BFSP2: variants seen among roughly 807,000 people sequenced by gnomAD.
The protein encoded by BFSP2 is phakinin.
Under a neutral mutation model 44.9 loss-of-function variants are expected in BFSP2, and 38 were observed. That is an observed-to-expected ratio of 0.85 (90% CI 0.65 to 1.11). BFSP2 has a LOEUF of 1.11. BFSP2 is among the 50% of genes least tolerant of loss of function. The pLI is 0.00. For missense variants in BFSP2, 525 were observed against 533.0 expected (o/e 0.99, Z 0.15); for synonymous variants, 197 against 209.9 (o/e 0.94, Z 0.53).
chr3:133,421,188 C>T (rs1020852701), intron 1 of BFSP2, among the ~76,000 whole-genome samples: 2 of 152,184 alleles, frequency 1.3e-5, no homozygotes, highest in African/African-American at 4.8e-5. Flanking sequence ...GTTAAATCAA[C>T]AAATGGAAGT....
intron 1 of BFSP2, among the ~76,000 whole-genome samples, chr3:133,414,234 G>C (rs1576560234): frequency 9.3e-5 from 3 of 32,140 alleles, no homozygotes; most frequent in Admixed American, 4.1e-4. Context: ...ACAAAACCCA[G>C]TACTCACCCC....
intron 1 of BFSP2, among the ~76,000 whole-genome samples, 153 bp from the exon 2 acceptor site, chr3:133,447,164 C>G (rs1262391483): frequency 6.6e-6 from 1 of 151,972 alleles, no homozygotes; most frequent in East Asian, 1.9e-4. Flanking sequence ...GACCATTGTC[C>G]AAAGAGAGGG....
rs1576561616 is a variant in BFSP2, at chr3:133,415,187, C to G, written c.489+14615C>G. Among the ~76,000 whole-genome samples, 3 of 123,130 alleles carry G rather than the reference C, an allele frequency of 2.4e-5. No homozygotes were observed. In the South Asian group the frequency reaches 9.8e-4, roughly 40 times the overall value. 80.8% of individuals were successfully genotyped at this position (123,130 alleles called of 152,430 possible). On this transcript the variant is annotated intron_variant, in intron 1 of 6. Coordinates refer to ENST00000302334, the MANE Select transcript of BFSP2 (RefSeq NM_003571.4). ...CCCATCCTCTCCCCTCTACTCAACT[C>G]TGTCCTCTCCCCTCTACTCACCTTT...
At chr3:133,426,082 C>T (rs544175000) in intron 1 of BFSP2, among the ~76,000 whole-genome samples, 1 of 151,056 alleles carries the variant, frequency 6.6e-6, no homozygotes, top group South Asian at 2.1e-4. Context: ...GTTAGTGTCA[C>T]AGCATCTGGG....
At chr3:133,474,023 G>A (rs1376090581) in intron 6 of BFSP2, among the ~76,000 whole-genome samples, 3 of 152,170 alleles carry the variant, frequency 2.0e-5, no homozygotes, top group African/African-American at 7.2e-5. Context: ...AGTGGAGGCA[G>A]GCAAGGGGTT....
chr3:133,466,677 CA>C (rs59331608), intron 4 of BFSP2, 150 bp from the exon 5 acceptor site: 4,501 of 257,492 alleles, frequency 0.017, 7 homozygotes, highest in Admixed American at 0.033. Context: ...TTCATCTCAA[CA>C]AAAAAAAAAA....
intron 1 of BFSP2, among the ~76,000 whole-genome samples, chr3:133,419,078 G>A (rs2073569832): frequency 6.6e-6 from 1 of 151,910 alleles, no homozygotes. Flanking sequence ...CTCTCTCCTT[G>A]GCTCATGGAA....
intron 1 of BFSP2, chr3:133,445,660 TAAC>T (rs1242193132): frequency 3.3e-5 from 5 of 152,212 alleles, no homozygotes; most frequent in Non-Finnish European, 7.4e-5. Context: ...ATTTTCTAAA[TAAC>T]ACAATAAATA....
intron 4 of BFSP2, among the ~76,000 whole-genome samples, chr3:133,463,729 C>T (rs1024965374): frequency 1.3e-5 from 2 of 152,148 alleles, no homozygotes; most frequent in Admixed American, 1.3e-4. Flanking sequence ...TTTTTTCTAT[C>T]TTTAGGGAGA....
intron 1 of BFSP2, among the ~76,000 whole-genome samples, chr3:133,423,562 C>CGGCGGG (rs1228359517): frequency 7.6e-5 from 1 of 13,092 alleles, no homozygotes; most frequent in Non-Finnish European, 1.6e-4. Context: ...GTGGGGGAGG[C>CGGCGGG]GGCGGGGGCG....
intron 4 of BFSP2, among the ~76,000 whole-genome samples, chr3:133,451,594 C>A (rs1202488825): frequency 6.6e-6 from 1 of 152,168 alleles, no homozygotes; most frequent in African/African-American, 2.4e-5. Context: ...CTGGTATATA[C>A]AGTAGGGTAA....
chr3:133,437,857 G>A (rs2073805924), intron 1 of BFSP2, among the ~76,000 whole-genome samples: 1 of 152,148 alleles, frequency 6.6e-6, no homozygotes, highest in Non-Finnish European at 1.5e-5. Flanking sequence ...GCAAAACAAT[G>A]ATTTGGCTAC....
chr3:133,440,796 C>T (rs1037055360), intron 1 of BFSP2, among the ~76,000 whole-genome samples: 15 of 152,160 alleles, frequency 9.9e-5, no homozygotes, highest in Non-Finnish European at 2.1e-4. Context: ...CATCTGGCCC[C>T]TCTACAATGA....
chr3:133,428,928 A>T (rs1404506270), intron 1 of BFSP2, among the ~76,000 whole-genome samples: 1 of 152,194 alleles, frequency 6.6e-6, no homozygotes, highest in Non-Finnish European at 1.5e-5. Flanking sequence ...GATTTTATTT[A>T]TGCGATCGAT....
intron 1 of BFSP2, among the ~76,000 whole-genome samples, chr3:133,423,033 T>C (rs550947019): frequency 6.6e-6 from 1 of 152,204 alleles, no homozygotes; most frequent in Non-Finnish European, 1.5e-5. Context: ...TGAGCTTCTT[T>C]GTTACACTGA....
intron 1 of BFSP2, among the ~76,000 whole-genome samples, chr3:133,423,914 C>T (rs1384378565): frequency 1.3e-5 from 2 of 152,204 alleles, no homozygotes; most frequent in Admixed American, 6.5e-5. Context: ...TGCAGTCGTC[C>T]GCTTCACGTC....
At chr3:133,444,375 G>A (rs1303434380) in intron 1 of BFSP2, among the ~76,000 whole-genome samples, 1 of 152,096 alleles carries the variant, frequency 6.6e-6, no homozygotes, top group Non-Finnish European at 1.5e-5. Context: ...TCTCCCAGGA[G>A]GAAGGGAGTA....
chr3:133,426,795 A>G (rs1302323624), intron 1 of BFSP2, among the ~76,000 whole-genome samples: 1 of 152,210 alleles, frequency 6.6e-6, no homozygotes, highest in Non-Finnish European at 1.5e-5. Context: ...AGCTCTTCCT[A>G]AGAGCTCTCT....
At chr3:133,429,904 A>G (rs10935063) in intron 1 of BFSP2, among the ~76,000 whole-genome samples, 124,126 of 149,932 alleles carry the variant, frequency 0.83, 51,567 homozygotes, top group Middle Eastern at 0.93. Flanking sequence ...ATCCCTCCCC[A>G]CTACCCCCAC....
Sources: gnomAD v4.1 joint callset for allele counts (sites outside exome capture counted in the v4.1 genomes callset) on GRCh38, gnomAD v4.1.1 for gene constraint, MANE v1.5 for transcripts, NCBI Gene and HGNC (gene_info 2026-07-23, HGNC 2026-07-21) for gene names.